The following CIRSR variants were observed in gnomAD, a reference collection of about 807,000 sequenced individuals.
The protein encoded by CIRSR is CBF1 (RBPJ) interacting corepressor 1.
chr2:174,387,613 A>G, the CIRSR span: 6 of 1,469,144 alleles, frequency 4.1e-6, no homozygotes, highest in South Asian at 2.6e-5. Context: ...CTGACTTAAT[A>G]TATCATTCAG....
At chr2:174,389,451 T>C in the CIRSR span, among the ~76,000 whole-genome samples, 1 of 152,098 alleles carries the variant, frequency 6.6e-6, no homozygotes. Context: ...AACTTTGAAC[T>C]TGAGAGAGAT....
the CIRSR span, among the ~76,000 whole-genome samples, chr2:174,374,071 G>A: frequency 6.6e-6 from 1 of 152,198 alleles, no homozygotes; most frequent in East Asian, 1.9e-4. Flanking sequence ...ATACTTAAGT[G>A]AACCTTTACA....
the CIRSR span, chr2:174,381,658 G>T: frequency 1.8e-6 from 2 of 1,133,472 alleles, no homozygotes; most frequent in Middle Eastern, 3.1e-4. Context: ...CTGTGCCTCA[G>T]AAAAAAAAAA....
the CIRSR span, among the ~76,000 whole-genome samples, chr2:174,394,696 G>A: frequency 1.3e-5 from 2 of 152,290 alleles, no homozygotes; most frequent in African/African-American, 4.8e-5. Context: ...TGGTCTAGAA[G>A]TGAGAGTATA....
At chr2:174,350,678 T>C in the CIRSR span, 1 of 1,606,142 alleles carries the variant, frequency 6.2e-7, no homozygotes, top group Non-Finnish European at 8.5e-7. Flanking sequence ...TTTCTGTTTT[T>C]GTTTGGTTGT....
the CIRSR span, among the ~76,000 whole-genome samples, chr2:174,375,699 G>C: frequency 1.3e-5 from 2 of 152,150 alleles, no homozygotes; most frequent in Admixed American, 6.5e-5. Flanking sequence ...ACCAAGGTTC[G>C]ATGGGCAAAA....
the CIRSR span, among the ~76,000 whole-genome samples, chr2:174,390,434 T>C: frequency 6.6e-6 from 1 of 152,230 alleles, no homozygotes; most frequent in East Asian, 1.9e-4. Context: ...TGTACTCCTG[T>C]TGTATCCAGG....
chr2:174,380,640 C>T, the CIRSR span: 1 of 1,605,000 alleles, frequency 6.2e-7, no homozygotes, highest in South Asian at 1.1e-5. Context: ...TAAAAGTAAA[C>T]CAGTCCTTAC....
chr2:174,390,947 T>C, the CIRSR span, among the ~76,000 whole-genome samples: 9 of 152,222 alleles, frequency 5.9e-5, no homozygotes, highest in African/African-American at 2.2e-4. Flanking sequence ...TAAAATTCTT[T>C]CCTTATAAAT....
the CIRSR span, chr2:174,352,050 T>C: frequency 4.5e-5 from 8 of 178,544 alleles, no homozygotes; most frequent in African/African-American, 1.6e-4. Context: ...AAAACTACAA[T>C]TAAACTTTTA....
the CIRSR span, chr2:174,350,622 G>T: frequency 7.3e-7 from 1 of 1,378,314 alleles, no homozygotes; most frequent in South Asian, 1.3e-5. Context: ...GAATACTAAG[G>T]AAAAAATAAA....
chr2:174,367,745 T>TAAA, the CIRSR span, among the ~76,000 whole-genome samples: 125 of 70,818 alleles, frequency 1.8e-3, 3 homozygotes, highest in African/African-American at 7.0e-3. Context: ...TGCTGTCTCT[T>TAAA]AAAAAAAAAA....
the CIRSR span, chr2:174,380,605 A>T: frequency 7.2e-6 from 11 of 1,531,906 alleles, no homozygotes; most frequent in Non-Finnish European, 9.8e-6. Context: ...CAGTAAATGT[A>T]AACTTAATGA....
At chr2:174,375,890 G>A in the CIRSR span, among the ~76,000 whole-genome samples, 3 of 152,094 alleles carry the variant, frequency 2.0e-5, no homozygotes, top group East Asian at 1.9e-4. Context: ...AGATAGTCTC[G>A]CTTTGTCACC....
At chr2:174,380,307 C>T in the CIRSR span, 1 of 1,262,930 alleles carries the variant, frequency 7.9e-7, no homozygotes, top group Non-Finnish European at 1.1e-6. Context: ...AAAAATTAAA[C>T]AGCAGTTAAT....
the CIRSR span, chr2:174,348,681 C>T: frequency 6.2e-7 from 1 of 1,614,208 alleles, no homozygotes; most frequent in Non-Finnish European, 8.5e-7. Flanking sequence ...TCTGCTCCGG[C>T]TTCTCCGGCT....
chr2:174,389,303 G>A, the CIRSR span, among the ~76,000 whole-genome samples: 1 of 152,186 alleles, frequency 6.6e-6, no homozygotes, highest in African/African-American at 2.4e-5. Context: ...CCAAAATGCT[G>A]ATAGTAATAT....
the CIRSR span, among the ~76,000 whole-genome samples, chr2:174,354,723 T>TTA: frequency 9.6e-6 from 1 of 104,234 alleles, no homozygotes; most frequent in East Asian, 2.3e-4. Context: ...ATAATATATA[T>TTA]TATATAATAT....
chr2:174,355,623 G>A, the CIRSR span, among the ~76,000 whole-genome samples: 4 of 152,076 alleles, frequency 2.6e-5, no homozygotes, highest in Admixed American at 6.5e-5. Context: ...CCATGAAATC[G>A]AGTCTCAGGA....
Sources: allele counts gnomAD v4.1 joint callset (sites outside exome capture counted in the v4.1 genomes callset), GRCh38; gene constraint gnomAD v4.1.1; transcripts MANE v1.5; gene names NCBI Gene and HGNC (gene_info 2026-07-23, HGNC 2026-07-21).